The following SLC25A47 variants were observed in gnomAD, a reference collection of about 807,000 sequenced individuals.
The protein encoded by SLC25A47 is HCC-down-regulated mitochondrial carrier protein.
SLC25A47 carries 30 observed loss-of-function variants against 29.8 expected under a neutral mutation model. The observed-to-expected ratio is 1.01, with a 90% CI of 0.75 to 1.36. SLC25A47 has a LOEUF of 1.36. Among genes scored for constraint, SLC25A47 ranks in the 40% most tolerant of loss-of-function variants. The pLI is 0.00. For synonymous variants in SLC25A47, 204 were observed against 197.8 expected, an observed-to-expected ratio of 1.03 and a Z score of -0.26; for missense variants, 430 against 441.9, an observed-to-expected ratio of 0.97 and a Z score of 0.24.
chr14:100,327,359 G>A lies in SLC25A47; in HGVS notation c.316G>A (p.Gly106Ser), dbSNP rs1489910655. 7.5e-6 allele frequency: 12 copies of A among 1,595,832 alleles called. No individual in the cohort carries two copies. The highest frequency in any genetic ancestry group is 3.3e-5 in the South Asian group (3 of 90,428). The change falls in exon 4 of 6, where the codon GGC becomes AGC. Residue 106 changes from glycine to serine, a missense_variant. Coordinates refer to ENST00000361529, the MANE Select transcript of SLC25A47 (RefSeq NM_207117.4). ...ADITLSGCAS[G>S]LVRVFLTSPT... is the part of the protein sequence containing the mutation. ...CATCACGCTCTCGGGATGCGCCTCC[G>A]GCCTCGTCCGCGTGAGTAGGGGCAG... is the stretch of plus-strand genomic sequence containing the variant.
chr14:100,326,847 A>ATG (rs1300354194), intron 3 of SLC25A47, among the ~76,000 whole-genome samples: 1 of 152,140 alleles, frequency 6.6e-6, no homozygotes, highest in East Asian at 1.9e-4. Context: ...GGTGGCAGGC[A>ATG]CCTGTAATCG....
At chr14:100,324,298 C>T (rs1306502478) in intron 1 of SLC25A47, among the ~76,000 whole-genome samples, 2 of 152,086 alleles carry the variant, frequency 1.3e-5, no homozygotes, top group Non-Finnish European at 2.9e-5. Flanking sequence ...GATCTTGGCT[C>T]ACTGCAACCT....
In SLC25A47 at chr14:100,328,724, A is replaced by G; in HGVS notation, c.328-2A>G. The G allele has an allele frequency of 6.2e-7, 1 of 1,612,954 alleles. No individual in the cohort carries two copies. Among genetic ancestry groups the G allele is most frequent in the Non-Finnish European group, 8.5e-7 (1 of 1,179,914 alleles). On this transcript the variant is annotated splice_acceptor_variant, in intron 4 of 5. Coordinates refer to ENST00000361529, the MANE Select transcript of SLC25A47 (RefSeq NM_207117.4). LOFTEE classifies it high-confidence loss of function. ...TGACCCCTGCTTCCTTCTCTGCTCC[A>G]GGTGTTCCTGACGTCGCCCACTGAG...
chr14:100,329,046 T>C lies in SLC25A47; in HGVS notation c.646+2T>C. ...GCCCCGCTGGCCACAGCCGGCCAGG[T>C]GAGCAGGGGCTGGAACCTGGCAGGG... On this transcript the variant is annotated splice_donor_variant, in intron 5 of 5. Coordinates refer to ENST00000361529, the MANE Select transcript of SLC25A47 (RefSeq NM_207117.4). LOFTEE classifies it high-confidence loss of function. The C allele has an allele frequency of 6.3e-7, 1 of 1,598,312 alleles. No homozygotes were observed. Among genetic ancestry groups the C allele is most frequent in the African/African-American group, 1.3e-5 (1 of 74,988 alleles).
At chr14:100,325,400 T>C (rs547408752) in intron 1 of SLC25A47, among the ~76,000 whole-genome samples, 139 of 152,336 alleles carry the variant, frequency 9.1e-4, no homozygotes, top group Non-Finnish European at 1.7e-3. Context: ...GGCTGACGGC[T>C]TGAGGGCAAG....
At chr14:100,325,959 C>T (rs1274980397) in intron 2 of SLC25A47, 128 bp downstream of exon 2, 34 of 1,106,838 alleles carry the variant, frequency 3.1e-5, no homozygotes, top group Non-Finnish European at 4.2e-5. Context: ...CTCCCCATAG[C>T]CCCTGGGACT....
At chr14:100,329,246 C>T in intron 5 of SLC25A47, 119 bp from the exon 6 acceptor site, 1 of 1,312,544 alleles carries the variant, frequency 7.6e-7, no homozygotes, top group Admixed American at 2.3e-5. Context: ...GTGGACAAGT[C>T]CCATTCCCCT....
At chr14:100,324,161 T>C (rs1201538833) in intron 1 of SLC25A47, among the ~76,000 whole-genome samples, 1 of 151,900 alleles carries the variant, frequency 6.6e-6, no homozygotes, top group African/African-American at 2.4e-5. Flanking sequence ...AGCATGGGGG[T>C]TGGGAGAGCG....
intron 1 of SLC25A47, among the ~76,000 whole-genome samples, chr14:100,324,520 C>G (rs537017848): frequency 3.3e-5 from 5 of 152,332 alleles, no homozygotes; most frequent in African/African-American, 9.6e-5. Context: ...CCACTGCGCC[C>G]GGCCTCCATT....
At position 100,325,829 on chromosome 14, in the gene SLC25A47, A is replaced by G. The variant is rs577271655; in HGVS notation, c.70A>G (p.Lys24Glu). Residue 24 changes from lysine to glutamate, a missense_variant and splice_region_variant, in exon 2 of 6, where the codon AAG (lysine) becomes GAG (glutamate). Coordinates refer to ENST00000361529, the MANE Select transcript of SLC25A47 (RefSeq NM_207117.4). ...TGTGGGCTACCCCCTGGACACGGTG[A>G]AGGTGCGGCAATAGCCAGCCCCCCA... Reference protein sequence around the residue: ...VAVGYPLDTVKVRIQTEPKYT... With the variant: ...VAVGYPLDTVEVRIQTEPKYT... The G allele has an allele frequency of 2.5e-5, 40 of 1,612,020 alleles. No homozygotes were observed. The South Asian group carries it at 3.9e-4, about 16-fold the overall frequency.
intron 3 of SLC25A47, 131 bp downstream of exon 3, chr14:100,326,359 G>A: frequency 1.2e-6 from 1 of 816,450 alleles, no homozygotes; most frequent in Non-Finnish European, 2.0e-6. Flanking sequence ...GAATAGTTCT[G>A]CCAATCTCAT....
chr14:100,329,388 G>A lies in SLC25A47; in HGVS notation c.670G>A (p.Gly224Arg), dbSNP rs763583374. The A allele has an allele frequency of 9.3e-6, 15 of 1,605,368 alleles. No homozygotes were observed. The highest frequency in any genetic ancestry group is 1.3e-5 in the African/African-American group (1 of 74,740). ...AGATGTCCCGGGCGTGCTGGTGGCC[G>A]GGGGCTGTGCAGGAGTCCTGGCCTG... is the stretch of plus-strand genomic sequence containing the variant. Reference protein sequence around the residue: ...RPDVPGVLVAGGCAGVLAWAV... With the variant: ...RPDVPGVLVARGCAGVLAWAV... The change falls in exon 6 of 6, where the codon GGG (glycine) becomes AGG (arginine). Residue 224 changes from glycine to arginine, a missense_variant. By Grantham distance (125) the Gly-to-Arg change is moderately radical (BLOSUM62 -2). Transcript: ENST00000361529.
Position 100,329,904 on chromosome 14 carries a change from G to T in SLC25A47, c.*259G>T. The T allele has an allele frequency of 1.8e-6, 1 of 549,072 alleles. No individual in the cohort carries two copies. The highest frequency in any genetic ancestry group is 3.3e-6 in the Non-Finnish European group (1 of 307,198). 34.0% of individuals were successfully genotyped at this position (549,072 alleles called of 1,614,324 possible). A position where few individuals can be genotyped will look rare whatever the true frequency, so the allele number is the denominator to read the frequency against. ...CCAGGGAGGAGTGGGCCTCTTTGAT[G>T]AGAGCGTTGAGTTGCATGGAGTCGG... On this transcript the variant is annotated 3_prime_UTR_variant, in exon 6 of 6. Transcript: ENST00000361529.
At chr14:100,323,714 G>A (rs969793727) in intron 1 of SLC25A47, among the ~76,000 whole-genome samples, 10 of 152,078 alleles carry the variant, frequency 6.6e-5, no homozygotes, top group Non-Finnish European at 1.5e-4. Flanking sequence ...GGGGCCGCTC[G>A]GGAGGCAGAG....
chr14:100,324,687 C>T (rs1893306629), intron 1 of SLC25A47, among the ~76,000 whole-genome samples: 1 of 152,194 alleles, frequency 6.6e-6, no homozygotes, highest in Non-Finnish European at 1.5e-5. Context: ...GTAAAGGGCT[C>T]TCACTCTGTG....
intron 5 of SLC25A47, 134 bp from the exon 6 acceptor site, chr14:100,329,231 T>C (rs1893402099): frequency 8.2e-7 from 1 of 1,222,038 alleles, no homozygotes; most frequent in Admixed American, 2.5e-5. Context: ...AGTCAGTGTG[T>C]GGTTGTGGAC....
At chr14:100,324,136 A>G (rs1421290989) in intron 1 of SLC25A47, among the ~76,000 whole-genome samples, 1 of 152,016 alleles carries the variant, frequency 6.6e-6, no homozygotes, top group Admixed American at 6.5e-5. Flanking sequence ...GGGTGGCGTC[A>G]GTACTTCTGG....
chr14:100,329,005 C>G lies in SLC25A47; in HGVS notation c.607C>G (p.Leu203Val). ...FATYFLSYAVLCEWLSPAGHS... is the reference protein window; with the variant it reads ...FATYFLSYAVVCEWLSPAGHS... ...CACCTACTTCCTTTCCTACGCGGTC[C>G]TCTGCGAGTGGCTCAGCCCCGCTGG... Residue 203 changes from leucine (L) to valine (V), a missense_variant, in exon 5 of 6, where the codon CTC becomes GTC. Transcript: ENST00000361529. 6.2e-7 allele frequency: 1 copy of G among 1,600,140 alleles called. No individual in the cohort carries two copies. The highest frequency in any genetic ancestry group is 8.5e-7 in the Non-Finnish European group (1 of 1,179,798).
chr14:100,328,962 G>A lies in SLC25A47; in HGVS notation c.564G>A (p.Arg188=). Residue 188 remains arginine, a synonymous_variant, in exon 5 of 6, where the codon CGG becomes CGA. Coordinates refer to ENST00000361529, the MANE Select transcript of SLC25A47 (RefSeq NM_207117.4). The part of the protein sequence containing the change: ...LYKGSSALVL[R]DGHSFATYFL... ...AGGGCAGCTCGGCCCTGGTCTTACG[G>A]GACGGCCACTCCTTTGCCACCTACT... 6.2e-7 allele frequency: 1 copy of A among 1,603,356 alleles called. No homozygotes were observed.
Sources: allele counts gnomAD v4.1 joint callset (sites outside exome capture counted in the v4.1 genomes callset), GRCh38; gene constraint gnomAD v4.1.1; transcripts MANE v1.5; gene names NCBI Gene and HGNC (gene_info 2026-07-23, HGNC 2026-07-21).